Variants in ZNF76 observed in about 807,000 individuals in gnomAD.
ZNF76 encodes the protein zinc finger protein 523.
Under a neutral mutation model 66.9 loss-of-function variants are expected in ZNF76, and 66 were observed. The observed-to-expected ratio is 0.99, with a 90% CI of 0.81 to 1.21. The LOEUF is 1.21. ZNF76 is among the 50% of genes most tolerant of loss of function. The pLI, the probability that ZNF76 is intolerant of heterozygous loss-of-function variation, is 0.00. For synonymous variants in ZNF76, 275 were observed against 296.1 expected (o/e 0.93, Z 0.73); for missense variants, 729 against 760.3 (o/e 0.96, Z 0.48).
intron 1 of ZNF76, among the ~76,000 whole-genome samples, chr6:35,273,365 G>T (rs1397555355): frequency 6.7e-6 from 1 of 150,214 alleles, no homozygotes. Flanking sequence ...TAGAGATGGG[G>T]TTTCGCCATG....
intron 1 of ZNF76, among the ~76,000 whole-genome samples, chr6:35,265,933 G>A (rs529552991): frequency 1.4e-4 from 22 of 152,282 alleles, no homozygotes; most frequent in African/African-American, 5.3e-4. Context: ...CATTGTGGCT[G>A]CTGTGTTGAG....
intron 1 of ZNF76, among the ~76,000 whole-genome samples, chr6:35,262,761 T>G (rs1785437838): frequency 6.6e-6 from 1 of 152,192 alleles, no homozygotes; most frequent in African/African-American, 2.4e-5. Flanking sequence ...TTCAATGGAA[T>G]CGGCTCCTTC....
intron 13 of ZNF76, chr6:35,294,822 C>T (rs1435947375): frequency 3.5e-6 from 2 of 572,918 alleles, no homozygotes; most frequent in Non-Finnish European, 3.1e-6. Context: ...AGCCCTTCAT[C>T]ATTTTGTGTC....
At position 35,277,439 on chromosome 6, in the gene ZNF76, G is replaced by A. The variant is rs73409718; in HGVS notation, c.-96-3617G>A. Reference sequence around the variant, plus strand: ...TCACACACCAAAAAAGTATTTTGGAGTAGCTTCAAGTTTCATAAACCCCCA... The same window carrying A: ...TCACACACCAAAAAAGTATTTTGGAATAGCTTCAAGTTTCATAAACCCCCA... On this transcript the variant is annotated intron_variant, in intron 1 of 13. Transcript: ENST00000373953. Among the ~76,000 whole-genome samples the A allele has an allele frequency of 2.1e-3, 315 of 152,330 alleles. 5 individuals carry two copies. The highest frequency in any genetic ancestry group is 7.1e-3 in the African/African-American group (295 of 41,566).
At chr6:35,294,780 G>A in intron 13 of ZNF76, 1 of 611,858 alleles carries the variant, frequency 1.6e-6, no homozygotes. Context: ...TGGCCTTCAG[G>A]ATAACTCCGA....
chr6:35,266,247 G>C (rs1021075673), intron 1 of ZNF76, among the ~76,000 whole-genome samples: 2 of 151,908 alleles, frequency 1.3e-5, no homozygotes, highest in African/African-American at 4.8e-5. Context: ...CCGCCTCCTG[G>C]GTTCAAGTGA....
chr6:35,261,306 G>A (rs1023229193), intron 1 of ZNF76, among the ~76,000 whole-genome samples: 9 of 152,094 alleles, frequency 5.9e-5, no homozygotes, highest in African/African-American at 2.2e-4. Flanking sequence ...GCATTATGTT[G>A]CTACTACTGA....
At chr6:35,294,134 C>G (rs1448970532) in intron 12 of ZNF76, 4 of 618,298 alleles carry the variant, frequency 6.5e-6, no homozygotes, top group Non-Finnish European at 1.1e-5. Flanking sequence ...CAATTCAACC[C>G]TGATTTGTTG....
rs1022257417 is a variant in ZNF76, at chr6:35,293,954, C to T, written c.1494+39C>T. 1.9e-6 allele frequency: 3 copies of T among 1,605,870 alleles called. No homozygotes were observed. In the South Asian group the frequency reaches 3.3e-5, roughly 18 times the overall value. ...GTTTGCTTGGGGTTTCTTATTTTGTCATTCCTTTCCATGGGGCGGGCATTA... is the reference window on the plus strand; with the variant it reads ...GTTTGCTTGGGGTTTCTTATTTTGTTATTCCTTTCCATGGGGCGGGCATTA... On this transcript the variant is annotated intron_variant, in intron 12 of 13. Coordinates refer to ENST00000373953, the MANE Select transcript of ZNF76 (RefSeq NM_003427.5).
rs374563882 is a variant in ZNF76, at chr6:35,291,326, A to G, written c.674A>G (p.Tyr225Cys). Residue 225 changes from tyrosine to cysteine, a missense_variant, in exon 8 of 14, where the codon TAC becomes TGC. Tyr to Cys is a radical substitution (Grantham distance 194). Coordinates refer to ENST00000373953, the MANE Select transcript of ZNF76 (RefSeq NM_003427.5). ...CGTACCCACACTGGTGAGAAACCATACAAGTGCCCAGAGGAGCTGTGCAGC... is the reference window on the plus strand; with the variant it reads ...CGTACCCACACTGGTGAGAAACCATGCAAGTGCCCAGAGGAGCTGTGCAGC... ...HVRTHTGEKPYKCPEELCSKA... is the reference protein window; with the variant it reads ...HVRTHTGEKPCKCPEELCSKA... 5 of 1,613,824 alleles carry G rather than the reference A, an allele frequency of 3.1e-6. No individual in the cohort carries two copies. Among genetic ancestry groups the G allele is most frequent in the African/African-American group, 1.3e-5 (1 of 74,910 alleles).
intron 11 of ZNF76, 44 bp from the exon 12 acceptor site, chr6:35,293,707 C>T (rs1365642221): frequency 1.2e-6 from 2 of 1,603,094 alleles, no homozygotes; most frequent in African/African-American, 1.3e-5. Context: ...TTTCAGACAA[C>T]CCTCCACTGA....
At chr6:35,264,637 T>C (rs1331053709) in intron 1 of ZNF76, among the ~76,000 whole-genome samples, 2 of 152,184 alleles carry the variant, frequency 1.3e-5, no homozygotes, top group Non-Finnish European at 2.9e-5. Flanking sequence ...TTTAGCACTG[T>C]TCCTTGGAAA....
At chr6:35,268,377 A>G (rs747073394) in intron 1 of ZNF76, among the ~76,000 whole-genome samples, 19 of 152,198 alleles carry the variant, frequency 1.2e-4, no homozygotes, top group Non-Finnish European at 2.5e-4. Flanking sequence ...AGTATAAGAT[A>G]TAGCTCATCC....
chr6:35,291,319 A>G lies in ZNF76; in HGVS notation c.667A>G (p.Lys223Glu). ...KSHVRTHTGE[K>E]PYKCPEELCS... ...CCACGTTCGTACCCACACTGGTGAG[A>G]AACCATACAAGTGCCCAGAGGAGCT... The change falls in exon 8 of 14, where the codon AAA (lysine) becomes GAA (glutamate). Residue 223 changes from lysine to glutamate, a missense_variant. Transcript: ENST00000373953. The G allele has an allele frequency of 6.2e-7, 1 of 1,613,862 alleles. No homozygotes were observed. Among genetic ancestry groups the G allele is most frequent in the Non-Finnish European group, 8.5e-7 (1 of 1,179,864 alleles).
At chr6:35,291,917 A>G (rs557939414) in intron 9 of ZNF76, 180 bp downstream of exon 9, 5 of 689,656 alleles carry the variant, frequency 7.2e-6, no homozygotes, top group African/African-American at 3.6e-5. Context: ...TAATTCCTCA[A>G]TTTCCAGTTA....
chr6:35,293,336 A>G (rs1790713499), intron 11 of ZNF76, among the ~76,000 whole-genome samples: 1 of 152,212 alleles, frequency 6.6e-6, no homozygotes, highest in Non-Finnish European at 1.5e-5. Flanking sequence ...GTCCTTCTCA[A>G]GAGAGGCATG....
At chr6:35,267,185 C>T (rs1786278268) in intron 1 of ZNF76, among the ~76,000 whole-genome samples, 1 of 152,054 alleles carries the variant, frequency 6.6e-6, no homozygotes, top group African/African-American at 2.4e-5. Flanking sequence ...GCAGCAGTGA[C>T]CTCTCCAGCT....
At chr6:35,268,339 G>A (rs375149951) in intron 1 of ZNF76, among the ~76,000 whole-genome samples, 4 of 152,136 alleles carry the variant, frequency 2.6e-5, no homozygotes, top group Admixed American at 6.5e-5. Flanking sequence ...CGTTTATATC[G>A]TGAGGAGAGT....
chr6:35,293,192 A>G, intron 11 of ZNF76, 148 bp downstream of exon 11: 1 of 944,138 alleles, frequency 1.1e-6, no homozygotes, highest in Non-Finnish European at 1.5e-6. Flanking sequence ...GGCTGAGGAG[A>G]CCACATCTTG....
Sources: gnomAD v4.1 joint callset for allele counts (sites outside exome capture counted in the v4.1 genomes callset) on GRCh38, gnomAD v4.1.1 for gene constraint, MANE v1.5 for transcripts, NCBI Gene and HGNC (gene_info 2026-07-23, HGNC 2026-07-21) for gene names.